MAST4: variants seen among roughly 807,000 people sequenced by gnomAD.
MAST4 encodes the protein microtubule associated serine/threonine kinase family member 4.
MAST4 carries 89 observed loss-of-function variants against 162.7 expected under a neutral mutation model. The ratio of observed to expected loss-of-function variants is 0.55; its 90% CI spans 0.46 to 0.65. The LOEUF (loss-of-function observed/expected upper bound fraction) is 0.65. Among genes scored for constraint, MAST4 ranks in the 30% least tolerant of loss-of-function variants. The pLI is 0.00. For synonymous variants in MAST4, 1,479 were observed against 1,361.1 expected, an observed-to-expected ratio of 1.09 and a Z score of -1.91; for missense variants, 3,153 against 3,374.0, an observed-to-expected ratio of 0.93 and a Z score of 1.62.
chr5:67,125,423 C>A (rs1011357003), intron 14 of MAST4, among the ~76,000 whole-genome samples: 2 of 152,034 alleles, frequency 1.3e-5, no homozygotes, highest in Non-Finnish European at 2.9e-5. Context: ...CCCCGACAGG[C>A]CCCAGTGTGT....
At chr5:66,862,545 C>T (rs2149842759) in intron 3 of MAST4, among the ~76,000 whole-genome samples, 1 of 152,274 alleles carries the variant, frequency 6.6e-6, no homozygotes. Flanking sequence ...AACAAACGAT[C>T]ATTGACCGAT....
At chr5:66,931,864 C>T (rs16895978) in intron 4 of MAST4, among the ~76,000 whole-genome samples, 10,226 of 152,146 alleles carry the variant, frequency 0.067, 394 homozygotes, top group African/African-American at 0.098. Flanking sequence ...CTGGTGATCC[C>T]GTAGTGTGAT....
At chr5:66,761,727 C>A (rs1399587888) in intron 2 of MAST4, among the ~76,000 whole-genome samples, 1 of 152,080 alleles carries the variant, frequency 6.6e-6, no homozygotes, top group Non-Finnish European at 1.5e-5. Context: ...GGGAGAAATT[C>A]ATCAAAAAAA....
chr5:66,681,928 G>T (rs1171706509), intron 1 of MAST4, among the ~76,000 whole-genome samples: 3 of 152,188 alleles, frequency 2.0e-5, no homozygotes, highest in Non-Finnish European at 2.9e-5. Flanking sequence ...TTATTTGGGG[G>T]GTGGGTGACC....
chr5:66,816,430 A>G (rs1407205867), intron 3 of MAST4, among the ~76,000 whole-genome samples: 1 of 152,116 alleles, frequency 6.6e-6, no homozygotes, highest in Non-Finnish European at 1.5e-5. Flanking sequence ...TTTTATAATC[A>G]TTTATGATAA....
intron 1 of MAST4, among the ~76,000 whole-genome samples, chr5:66,674,841 A>G (rs73110431): frequency 0.026 from 4,022 of 152,326 alleles, 186 homozygotes; most frequent in African/African-American, 0.093. Flanking sequence ...TTGGTCGCAA[A>G]CAACAGAAAC....
At position 66,834,140 on chromosome 5, in the gene MAST4, G is replaced by A. The variant is rs77124218; in HGVS notation, c.642+45346G>A. On this transcript the variant is annotated intron_variant, in intron 3 of 28. Transcript: ENST00000403625. Reference sequence around the variant, plus strand: ...AGGGTCCAGGCAATGAAAAGATGGCGTACATGTCTTAGATAATTTGAGAAG... The same window carrying A: ...AGGGTCCAGGCAATGAAAAGATGGCATACATGTCTTAGATAATTTGAGAAG... 7.1e-3 allele frequency among the ~76,000 whole-genome samples: 1,080 copies of A among 152,250 alleles called. 12 individuals are homozygous for A. Among genetic ancestry groups the A allele is most frequent in the East Asian group, 0.034 (178 of 5,176 alleles).
intron 5 of MAST4, among the ~76,000 whole-genome samples, chr5:67,072,532 C>G (rs924389359): frequency 6.6e-6 from 1 of 152,038 alleles, no homozygotes; most frequent in Non-Finnish European, 1.5e-5. Flanking sequence ...TCTTTGCAGT[C>G]AGATAACACA....
intron 3 of MAST4, among the ~76,000 whole-genome samples, chr5:66,894,465 A>G (rs892729183): frequency 3.9e-5 from 6 of 152,184 alleles, no homozygotes; most frequent in Admixed American, 3.3e-4. Flanking sequence ...GCGTGTATGT[A>G]TGTTGCCCCA....
At chr5:66,837,894 ATTTTTTTTTTTTTTTT>A (rs754095073) in intron 3 of MAST4, among the ~76,000 whole-genome samples, 8 of 53,704 alleles carry the variant, frequency 1.5e-4, no homozygotes, top group African/African-American at 4.1e-4. Flanking sequence ...ATATATATAT[ATTTTTTTTTTTTTTTT>A]TTTTTTTAAT....
chr5:66,616,158 G>A (rs1020730828), intron 1 of MAST4, among the ~76,000 whole-genome samples: 7 of 152,192 alleles, frequency 4.6e-5, no homozygotes, highest in South Asian at 4.2e-4. Flanking sequence ...TGAAACAAAT[G>A]CCAGCCACTC....
chr5:67,126,871 A>G (rs1177359845), intron 14 of MAST4, among the ~76,000 whole-genome samples: 2 of 152,208 alleles, frequency 1.3e-5, no homozygotes, highest in African/African-American at 2.4e-5. Flanking sequence ...TTTTCTATCC[A>G]TGAGCATGGA....
intron 1 of MAST4, among the ~76,000 whole-genome samples, chr5:66,638,433 A>G (rs1745269437): frequency 6.6e-6 from 1 of 152,192 alleles, no homozygotes; most frequent in African/African-American, 2.4e-5. Context: ...ATACCTCTGT[A>G]GGGTAAGTAT....
At chr5:66,922,705 T>C (rs1203542423) in intron 4 of MAST4, among the ~76,000 whole-genome samples, 2 of 152,140 alleles carry the variant, frequency 1.3e-5, no homozygotes, top group African/African-American at 2.4e-5. Context: ...ACTTCAAAAG[T>C]GAAGCTGTCA....
At chr5:66,657,988 A>G (rs930897279) in intron 1 of MAST4, among the ~76,000 whole-genome samples, 1 of 152,238 alleles carries the variant, frequency 6.6e-6, no homozygotes, top group African/African-American at 2.4e-5. Context: ...GAATAATTAT[A>G]TACAAGTTTA....
At chr5:66,701,385 T>C (rs2149511356) in intron 1 of MAST4, among the ~76,000 whole-genome samples, 1 of 152,340 alleles carries the variant, frequency 6.6e-6, no homozygotes, top group African/African-American at 2.4e-5. Flanking sequence ...TTACAATTAG[T>C]AAGGTGCATC....
At chr5:66,777,407 A>G (rs1167049840) in intron 2 of MAST4, among the ~76,000 whole-genome samples, 1 of 152,192 alleles carries the variant, frequency 6.6e-6, no homozygotes, top group Non-Finnish European at 1.5e-5. Context: ...ATCACCTCGT[A>G]AGATTGGTAT....
intron 4 of MAST4, among the ~76,000 whole-genome samples, chr5:66,950,001 T>C (rs1264082432): frequency 5.3e-5 from 8 of 152,078 alleles, no homozygotes; most frequent in African/African-American, 1.9e-4. Context: ...AATCCCCAAA[T>C]TCACAAGCTT....
chr5:67,056,859 C>G (rs1758890398), intron 5 of MAST4, among the ~76,000 whole-genome samples: 1 of 149,698 alleles, frequency 6.7e-6, no homozygotes, highest in African/African-American at 2.6e-5. Context: ...CCATGCCCAG[C>G]TAATTTTTTT....
Sources: allele counts gnomAD v4.1 joint callset (sites outside exome capture counted in the v4.1 genomes callset), GRCh38; gene constraint gnomAD v4.1.1; transcripts MANE v1.5; gene names NCBI Gene and HGNC (gene_info 2026-07-23, HGNC 2026-07-21).